The following OR14A2 variants were observed in gnomAD, a reference collection of about 807,000 sequenced individuals.
The protein encoded by OR14A2 is olfactory receptor 14A2.
For synonymous variants in OR14A2, 114 were observed against 58.6 expected, an observed-to-expected ratio of 1.95 and a Z score of -4.32; for missense variants, 237 against 152.9, an observed-to-expected ratio of 1.55 and a Z score of -2.90.
At chr1:247,723,206 G>A (rs1036047732) in exon 1 of OR14A2, 1 of 717,602 alleles carries the variant, frequency 1.4e-6, no homozygotes, top group African/African-American at 1.7e-5. Context: ...AATACTGGAG[G>A]CATCACAGTG....
the OR14A2 span, chr1:247,746,110 T>C: frequency 6.6e-6 from 1 of 152,268 alleles, no homozygotes; most frequent in South Asian, 2.1e-4. Context: ...ATGAAATTCA[T>C]GCCGTTATTG....
the OR14A2 span, among the ~76,000 whole-genome samples, chr1:247,744,336 A>T: frequency 2.8e-4 from 43 of 152,190 alleles, no homozygotes; most frequent in African/African-American, 9.4e-4. The surrounding 1 kb of genome is among the most constrained non-coding windows in gnomAD (Gnocchi z 4.3). Context: ...ATCACGTTAA[A>T]TCTGTTGATT....
the OR14A2 span, among the ~76,000 whole-genome samples, chr1:247,743,078 C>A: frequency 6.6e-6 from 1 of 152,114 alleles, no homozygotes; most frequent in South Asian, 2.1e-4. Flanking sequence ...TTGAAACAAC[C>A]AGAGTATGGA....
At chr1:247,728,457 A>G (rs887255272), upstream of OR14A2, among the ~76,000 whole-genome samples, 1 of 152,076 alleles carries the variant, frequency 6.6e-6, no homozygotes, top group African/African-American at 2.4e-5. Context: ...ACAAACCCAC[A>G]GCCAATATCA....
the OR14A2 span, among the ~76,000 whole-genome samples, chr1:247,734,307 A>T: frequency 6.6e-6 from 1 of 152,294 alleles, no homozygotes; most frequent in South Asian, 2.1e-4. Flanking sequence ...GAAGATTCAG[A>T]GGAAACCAAG....
At chr1:247,738,499 T>C in the OR14A2 span, 1 of 618,726 alleles carries the variant, frequency 1.6e-6, no homozygotes. Flanking sequence ...ACTTTTTGTC[T>C]AGGCCTTGAT....
chr1:247,732,167 T>C, the OR14A2 span, among the ~76,000 whole-genome samples: 63 of 151,770 alleles, frequency 4.2e-4, no homozygotes, highest in African/African-American at 1.5e-3. Flanking sequence ...TGGCCTAACT[T>C]TTTTTTTGTA....
At chr1:247,739,343 C>A in the OR14A2 span, 2 of 780,832 alleles carry the variant, frequency 2.6e-6, no homozygotes, top group Non-Finnish European at 4.8e-6. Context: ...TGCCTCACCT[C>A]ATTGTTGTCA....
chr1:247,743,959 A>C, the OR14A2 span, among the ~76,000 whole-genome samples: 1 of 152,186 alleles, frequency 6.6e-6, no homozygotes, highest in East Asian at 1.9e-4. Flanking sequence ...ATTTTAGATC[A>C]ATTATCTACC....
the OR14A2 span, among the ~76,000 whole-genome samples, chr1:247,744,396 A>ATGAATT: frequency 1.3e-5 from 2 of 152,166 alleles, no homozygotes; most frequent in African/African-American, 4.8e-5. The surrounding 1 kb of genome is among the most constrained non-coding windows in gnomAD (Gnocchi z 4.3). Flanking sequence ...CATAAATACC[A>ATGAATT]TGAATTTTTA....
chr1:247,734,216 C>T, the OR14A2 span, among the ~76,000 whole-genome samples: 13 of 152,158 alleles, frequency 8.5e-5, no homozygotes, highest in East Asian at 1.2e-3. Context: ...GATTAGGGCA[C>T]GCAGAGACCC....
upstream of OR14A2, among the ~76,000 whole-genome samples, chr1:247,725,497 ATTTATTTATTTATTTATTT>A (rs1179038209): frequency 2.0e-5 from 3 of 149,920 alleles, no homozygotes; most frequent in African/African-American, 4.9e-5. Flanking sequence ...TTATTTATTT[ATTTATTTATTTATTTATTT>A]TTTATTTATT....
At chr1:247,741,057 C>A in the OR14A2 span, among the ~76,000 whole-genome samples, 2 of 152,038 alleles carry the variant, frequency 1.3e-5, no homozygotes, top group Non-Finnish European at 2.9e-5. Flanking sequence ...AAATTCTACC[C>A]AAATATTAAA....
chr1:247,734,125 C>T, the OR14A2 span, among the ~76,000 whole-genome samples: 1 of 152,054 alleles, frequency 6.6e-6, no homozygotes, highest in African/African-American at 2.4e-5. Context: ...GGAGAAAAAT[C>T]CTTTAAAGAG....
At chr1:247,739,164 A>C in the OR14A2 span, 1 of 780,636 alleles carries the variant, frequency 1.3e-6, no homozygotes, top group South Asian at 1.3e-5. Context: ...TGCCCTACTA[A>C]AGCTCACTTG....
chr1:247,723,161 T>C (rs556302260), exon 1 of OR14A2: 2 of 717,686 alleles, frequency 2.8e-6, no homozygotes, highest in East Asian at 2.7e-5. Flanking sequence ...GCACATTTCA[T>C]GTCATTGTTC....
At chr1:247,739,122 G>C in the OR14A2 span, 28 of 780,724 alleles carry the variant, frequency 3.6e-5, no homozygotes, top group Non-Finnish European at 5.7e-5. Flanking sequence ...TTATGGCTCT[G>C]ATGAGCTACA....
upstream of OR14A2, among the ~76,000 whole-genome samples, chr1:247,728,224 T>C (rs1174114253): frequency 2.0e-5 from 3 of 152,124 alleles, no homozygotes; most frequent in East Asian, 1.9e-4. Flanking sequence ...GCTTATCCAC[T>C]ATGATCAAGT....
the OR14A2 span, among the ~76,000 whole-genome samples, chr1:247,730,341 T>C: frequency 1.3e-5 from 2 of 152,052 alleles, no homozygotes; most frequent in African/African-American, 2.4e-5. Context: ...TGCCTACCTC[T>C]ACCCTGCATA....
Sources: gnomAD v4.1 joint callset for allele counts (sites outside exome capture counted in the v4.1 genomes callset) on GRCh38, gnomAD v4.1.1 for gene constraint, Gnocchi (gnomAD v3.1) non-coding constraint, MANE v1.5 for transcripts, NCBI Gene and HGNC (gene_info 2026-07-23, HGNC 2026-07-21) for gene names.